Variants in MTMR7 observed in about 807,000 individuals in gnomAD.
The protein encoded by MTMR7 is myotubularin related protein 7, also known as phosphatidylinositol-3-phosphate phosphatase MTMR7.
A neutral mutation model predicts 81.2 loss-of-function variants in MTMR7; 76 were observed. The ratio of observed to expected loss-of-function variants is 0.94; its 90% CI spans 0.78 to 1.13. The LOEUF (loss-of-function observed/expected upper bound fraction) is 1.13, where lower values mean the gene tolerates loss of function less well. Among genes scored for constraint, MTMR7 ranks in the 50% most tolerant of loss-of-function variants. The pLI is 0.00. For missense variants in MTMR7, 1,044 were observed against 820.0 expected (o/e 1.27, Z -3.34); for synonymous variants, 372 against 289.8 (o/e 1.28, Z -2.88).
intron 1 of MTMR7, among the ~76,000 whole-genome samples, chr8:17,403,727 T>G (rs1238268213): frequency 6.6e-6 from 1 of 151,928 alleles, no homozygotes; most frequent in East Asian, 1.9e-4. Flanking sequence ...TCAGTTTTTG[T>G]GTGTCCTCTT....
intron 3 of MTMR7, among the ~76,000 whole-genome samples, chr8:17,367,106 G>A (rs1820251298): frequency 1.3e-5 from 2 of 152,216 alleles, no homozygotes; most frequent in South Asian, 4.1e-4. Context: ...CCACTGCAAA[G>A]ATTGCTTAAA....
intron 1 of MTMR7, among the ~76,000 whole-genome samples, chr8:17,404,796 G>A (rs1426375129): frequency 2.0e-5 from 3 of 151,934 alleles, no homozygotes; most frequent in African/African-American, 4.8e-5. Flanking sequence ...TTTTTTTGTT[G>A]GTGGTTGGTT....
intron 9 of MTMR7, among the ~76,000 whole-genome samples, chr8:17,309,982 G>A (rs963380954): frequency 6.6e-6 from 1 of 152,062 alleles, no homozygotes; most frequent in African/African-American, 2.4e-5. Flanking sequence ...TTTTGGTTTT[G>A]TATTTTATAT....
intron 10 of MTMR7, among the ~76,000 whole-genome samples, chr8:17,307,672 G>C (rs977545794): frequency 1.3e-5 from 2 of 152,208 alleles, no homozygotes; most frequent in Non-Finnish European, 2.9e-5. Flanking sequence ...TTAAGAAAAT[G>C]TGGCACATAT....
intron 6 of MTMR7, 92 bp from the exon 7 acceptor site, chr8:17,331,374 C>T (rs1818994759): frequency 7.5e-7 from 1 of 1,330,078 alleles, no homozygotes; most frequent in Non-Finnish European, 1.0e-6. Flanking sequence ...CCAATCAAAG[C>T]ATTCAGAATG....
chr8:17,304,642 G>A, intron 11 of MTMR7, 123 bp from the exon 12 acceptor site: 1 of 935,812 alleles, frequency 1.1e-6, no homozygotes, highest in South Asian at 1.7e-5. Context: ...CTGTTCGATA[G>A]CAGGTAAATG....
chr8:17,327,703 C>G (rs76823090), intron 7 of MTMR7, among the ~76,000 whole-genome samples: 1 of 151,750 alleles, frequency 6.6e-6, no homozygotes, highest in Non-Finnish European at 1.5e-5. Flanking sequence ...TTAAATAATA[C>G]GATAAATATT....
chr8:17,323,533 C>T (rs777799889), intron 7 of MTMR7, among the ~76,000 whole-genome samples: 3 of 151,950 alleles, frequency 2.0e-5, no homozygotes, highest in Admixed American at 6.6e-5. Context: ...GAAAGTCCGG[C>T]GTGGATGTAA....
intron 13 of MTMR7, 146 bp downstream of exon 13, chr8:17,302,008 G>T: frequency 1.9e-6 from 2 of 1,052,354 alleles, no homozygotes; most frequent in South Asian, 1.6e-5. Context: ...TCTGAGTCCT[G>T]ACCTGGATGG....
At chr8:17,300,537 C>T (rs958232337) in intron 13 of MTMR7, among the ~76,000 whole-genome samples, 1 of 152,178 alleles carries the variant, frequency 6.6e-6, no homozygotes, top group Admixed American at 6.5e-5. Flanking sequence ...AATGATGAGT[C>T]TCATCCCATG....
intron 7 of MTMR7, among the ~76,000 whole-genome samples, chr8:17,313,771 GA>G (rs1159314958): frequency 6.6e-6 from 1 of 152,008 alleles, no homozygotes; most frequent in African/African-American, 2.4e-5. Context: ...GTGCTATGAG[GA>G]AAAAAATCAT....
At chr8:17,395,313 C>A (rs1227981964) in intron 1 of MTMR7, among the ~76,000 whole-genome samples, 1 of 152,074 alleles carries the variant, frequency 6.6e-6, no homozygotes, top group Non-Finnish European at 1.5e-5. Context: ...TTTATCTGTT[C>A]ATTTGTTGAT....
intron 4 of MTMR7, among the ~76,000 whole-genome samples, chr8:17,360,527 T>G (rs1374399725): frequency 6.6e-6 from 1 of 151,880 alleles, no homozygotes; most frequent in Non-Finnish European, 1.5e-5. Flanking sequence ...CACATTACTT[T>G]TGTTACTCAA....
chr8:17,306,009 C>T, intron 10 of MTMR7, 52 bp from the exon 11 acceptor site: 9 of 1,464,008 alleles, frequency 6.1e-6, no homozygotes, highest in Non-Finnish European at 8.4e-6. Flanking sequence ...TTTTAAAGTA[C>T]AAAGCCATAA....
intron 10 of MTMR7, among the ~76,000 whole-genome samples, chr8:17,306,299 A>G (rs1817451600): frequency 2.6e-5 from 4 of 152,162 alleles, no homozygotes; most frequent in Admixed American, 2.0e-4. Flanking sequence ...GTTGCACTTT[A>G]TGAGCGGGTG....
intron 1 of MTMR7, among the ~76,000 whole-genome samples, chr8:17,386,858 T>C (rs938505268): frequency 1.3e-5 from 2 of 152,168 alleles, no homozygotes; most frequent in African/African-American, 2.4e-5. Context: ...AAACTGAGCA[T>C]AGAGCAGGCA....
intron 6 of MTMR7, among the ~76,000 whole-genome samples, chr8:17,331,817 A>G (rs1489834198): frequency 6.6e-5 from 10 of 152,232 alleles, no homozygotes; most frequent in Non-Finnish European, 7.3e-5. Context: ...ATTACTGAAT[A>G]AAATGAAGAG....
chr8:17,314,484 G>A (rs532331803), intron 7 of MTMR7, among the ~76,000 whole-genome samples: 1 of 152,170 alleles, frequency 6.6e-6, no homozygotes, highest in East Asian at 1.9e-4. Context: ...ATTCAACTTT[G>A]TGAACTCTTT....
intron 6 of MTMR7, among the ~76,000 whole-genome samples, chr8:17,331,763 T>C (rs1205563316): frequency 6.6e-6 from 1 of 152,238 alleles, no homozygotes; most frequent in African/African-American, 2.4e-5. Context: ...CATTCTAATT[T>C]GCCCACAAGA....
Sources: allele counts gnomAD v4.1 joint callset (sites outside exome capture counted in the v4.1 genomes callset), GRCh38; gene constraint gnomAD v4.1.1; transcripts MANE v1.5; gene names NCBI Gene and HGNC (gene_info 2026-07-23, HGNC 2026-07-21).